The following SPHKAP variants were observed in gnomAD, a reference collection of about 807,000 sequenced individuals.
The protein encoded by SPHKAP is A-kinase anchor protein SPHKAP.
Under a neutral mutation model 137.5 loss-of-function variants are expected in SPHKAP, and 67 were observed. The ratio of observed to expected loss-of-function variants is 0.49; its 90% CI spans 0.40 to 0.60. The LOEUF is 0.60. Among genes scored for constraint, SPHKAP ranks in the 20% least tolerant of loss-of-function variants. The probability of loss-of-function intolerance (pLI) is 0.00; values close to 1 mark genes in which losing one functional copy is unlikely to be tolerated. For synonymous variants in SPHKAP, 813 were observed against 785.3 expected, an observed-to-expected ratio of 1.04 and a Z score of -0.59; for missense variants, 2,097 against 2,069.3, an observed-to-expected ratio of 1.01 and a Z score of -0.26.
At chr2:228,127,542 A>G (rs991430432) in intron 2 of SPHKAP, among the ~76,000 whole-genome samples, 4 of 152,200 alleles carry the variant, frequency 2.6e-5, no homozygotes, top group African/African-American at 9.6e-5. Flanking sequence ...TGCTATAAAT[A>G]TTAAAAAATA....
At chr2:228,001,478 T>A (rs1693885831) in intron 7 of SPHKAP, among the ~76,000 whole-genome samples, 1 of 143,134 alleles carries the variant, frequency 7.0e-6, no homozygotes, top group Non-Finnish European at 1.5e-5. Context: ...TATATAAAAA[T>A]ATATATACGT....
rs937047228 is a variant in SPHKAP at position 228,017,656 on chromosome 2, C to T, written c.3198G>A (p.Arg1066=). 2 of 1,613,890 alleles carry T rather than the reference C, an allele frequency of 1.2e-6. No homozygotes were observed. Among genetic ancestry groups the T allele is most frequent in the African/African-American group, 1.3e-5 (1 of 74,946 alleles). The change falls in exon 7 of 12, where the codon CGG becomes CGA. Residue 1066 remains arginine, a synonymous_variant. Coordinates refer to ENST00000392056, the MANE Select transcript of SPHKAP (RefSeq NM_001142644.2). ...DGMWQAQGYP[R]NRLLSGDRWS... is the part of the protein sequence containing the mutation. ...ACCTGTCGCCACTCAGTAACCGATTCCGGGGATAGCCCTGCGCCTGCCACA... is the reference window on the plus strand; with the variant it reads ...ACCTGTCGCCACTCAGTAACCGATTTCGGGGATAGCCCTGCGCCTGCCACA...
intron 3 of SPHKAP, among the ~76,000 whole-genome samples, chr2:228,069,600 A>C (rs1405185730): frequency 6.6e-6 from 1 of 150,616 alleles, no homozygotes. Context: ...ATTTAAAAGA[A>C]GTTTTTTTTT....
At chr2:227,985,111 G>T (rs1299901489) in intron 11 of SPHKAP, among the ~76,000 whole-genome samples, 3 of 152,130 alleles carry the variant, frequency 2.0e-5, no homozygotes, top group Non-Finnish European at 4.4e-5. Flanking sequence ...GTGAAGGAGA[G>T]TCTCTCCAAA....
At chr2:228,162,724 G>A (rs913938940) in intron 1 of SPHKAP, among the ~76,000 whole-genome samples, 1 of 152,024 alleles carries the variant, frequency 6.6e-6, no homozygotes, top group African/African-American at 2.4e-5. Context: ...TTTAGACGGA[G>A]TTTTACTCTT....
Position 228,003,175 on chromosome 2 carries a change from G to A in SPHKAP, c.4449-7481C>T, listed in dbSNP as rs1432292741. ...CCTTGGGCAGTATGGCTATTTTCAC[G>A]ACATTGATTCTTCCTACCTATGAGC... On this transcript the variant is annotated intron_variant, in intron 7 of 11. Coordinates refer to ENST00000392056, the MANE Select transcript of SPHKAP (RefSeq NM_001142644.2). Among the ~76,000 whole-genome samples the A allele has an allele frequency of 2.6e-5, 4 of 152,140 alleles. 1 individual carries two copies. Among genetic ancestry groups the A allele is most frequent in the Non-Finnish European group, 4.4e-5 (3 of 68,030 alleles).
chr2:228,103,799 C>T (rs2106341585), intron 3 of SPHKAP, among the ~76,000 whole-genome samples: 1 of 152,240 alleles, frequency 6.6e-6, no homozygotes, highest in South Asian at 2.1e-4. Context: ...ATTCAGTACC[C>T]CCTGTACAAT....
intron 1 of SPHKAP, among the ~76,000 whole-genome samples, chr2:228,140,858 C>T (rs1252336165): frequency 1.3e-5 from 2 of 152,114 alleles, no homozygotes; most frequent in Non-Finnish European, 2.9e-5. Context: ...CCCCCTTTGT[C>T]TCCCATCATG....
At chr2:228,061,643 C>T (rs1045276266) in intron 3 of SPHKAP, among the ~76,000 whole-genome samples, 18 of 151,822 alleles carry the variant, frequency 1.2e-4, no homozygotes, top group African/African-American at 2.2e-4. Context: ...ATAGACTTTA[C>T]GATATGGAAT....
At chr2:228,028,339 G>T (rs944534153) in intron 3 of SPHKAP, among the ~76,000 whole-genome samples, 2 of 151,928 alleles carry the variant, frequency 1.3e-5, no homozygotes, top group South Asian at 4.1e-4. Context: ...CATTGTTTTA[G>T]TTCATTTTAC....
rs367936749 is a variant in SPHKAP at position 228,015,128 on chromosome 2, T to A, written c.4448+1278A>T. Among the ~76,000 whole-genome samples the A allele has an allele frequency of 3.4e-3, 486 of 144,192 alleles. 4 individuals carry two copies. Among genetic ancestry groups the A allele is most frequent in the African/African-American group, 0.012 (453 of 39,292 alleles). 94.6% of individuals were successfully genotyped at this position (144,192 alleles called of 152,430 possible). A position where few individuals can be genotyped will look rare whatever the true frequency, so the allele number is the denominator to read the frequency against. ...ATGTTCCCCTTCCTGTGTCCATGTGTTCTCATTGTTTAATTCCCACCTATG... is the reference window on the plus strand; with the variant it reads ...ATGTTCCCCTTCCTGTGTCCATGTGATCTCATTGTTTAATTCCCACCTATG... On this transcript the variant is annotated intron_variant, in intron 7 of 11. Coordinates refer to ENST00000392056, the MANE Select transcript of SPHKAP (RefSeq NM_001142644.2).
chr2:228,086,863 C>T (rs562094106), intron 3 of SPHKAP, among the ~76,000 whole-genome samples: 6 of 152,264 alleles, frequency 3.9e-5, no homozygotes, highest in African/African-American at 1.4e-4. Context: ...AGCCATTGGC[C>T]AGCTAGTGCC....
chr2:228,063,169 T>C (rs972694911), intron 3 of SPHKAP, among the ~76,000 whole-genome samples: 1 of 148,794 alleles, frequency 6.7e-6, no homozygotes, highest in Non-Finnish European at 1.5e-5. Flanking sequence ...TCTATCTATC[T>C]ATCTATCTGT....
intron 3 of SPHKAP, among the ~76,000 whole-genome samples, chr2:228,098,617 T>A (rs1265150691): frequency 6.7e-6 from 1 of 149,428 alleles, no homozygotes; most frequent in Non-Finnish European, 1.5e-5. Flanking sequence ...TGTTGTGGGG[T>A]GGTGGGGTGG....
chr2:228,176,634 G>A (rs2106435326), intron 1 of SPHKAP, among the ~76,000 whole-genome samples: 1 of 152,258 alleles, frequency 6.6e-6, no homozygotes, highest in South Asian at 2.1e-4. Flanking sequence ...CAACACTTCG[G>A]GAGGCCAGGG....
At chr2:228,174,464 T>C (rs972852379) in intron 1 of SPHKAP, among the ~76,000 whole-genome samples, 1 of 152,158 alleles carries the variant, frequency 6.6e-6, no homozygotes, top group African/African-American at 2.4e-5. Flanking sequence ...GAGTTAACAT[T>C]AGACTTTGAG....
intron 3 of SPHKAP, among the ~76,000 whole-genome samples, chr2:228,088,422 T>C (rs1201043461): frequency 1.3e-5 from 2 of 152,120 alleles, no homozygotes; most frequent in Non-Finnish European, 2.9e-5. Flanking sequence ...GAAAATATTT[T>C]AAAAATACAG....
intron 1 of SPHKAP, among the ~76,000 whole-genome samples, chr2:228,156,830 C>A (rs1457883494): frequency 6.6e-6 from 1 of 152,094 alleles, no homozygotes; most frequent in Admixed American, 6.6e-5. Flanking sequence ...TGCTTGTCAC[C>A]ATGTAAGACG....
intron 1 of SPHKAP, among the ~76,000 whole-genome samples, chr2:228,164,296 C>A (rs770418382): frequency 3.9e-5 from 6 of 152,158 alleles, no homozygotes; most frequent in Non-Finnish European, 7.4e-5. Context: ...GACTTTCAGA[C>A]TTTGACTGAG....
Sources: allele counts gnomAD v4.1 joint callset (sites outside exome capture counted in the v4.1 genomes callset), GRCh38; gene constraint gnomAD v4.1.1; transcripts MANE v1.5; gene names NCBI Gene and HGNC (gene_info 2026-07-23, HGNC 2026-07-21).